The following DDX6 variants were observed in gnomAD, a reference collection of about 807,000 sequenced individuals.
The protein encoded by DDX6 is probable ATP-dependent RNA helicase DDX6.
Under a neutral mutation model 60.6 loss-of-function variants are expected in DDX6, and 7 were observed. That is an observed-to-expected ratio of 0.12 (90% CI 0.07 to 0.22). DDX6 has a LOEUF of 0.22. DDX6 is among the 10% of genes least tolerant of loss of function. The pLI is 1.00. For missense variants in DDX6, 270 were observed against 589.9 expected, an observed-to-expected ratio of 0.46 and a Z score of 5.62; for synonymous variants, 207 against 201.0, an observed-to-expected ratio of 1.03 and a Z score of -0.25.
At chr11:118,776,342 T>G (rs1042479886) in intron 4 of DDX6, among the ~76,000 whole-genome samples, 4 of 152,294 alleles carry the variant, frequency 2.6e-5, no homozygotes, top group Non-Finnish European at 5.9e-5. Context: ...GTCAGGAGTC[T>G]AAGACTTATA....
In DDX6 at chr11:118,751,794, G is replaced by T; in HGVS notation, c.*311C>A. Reference sequence around the variant, plus strand: ...GTTCATTAAGATTCTTCTCTTTTTAGGGTTTCTCCCCTTCTCTTCTTTCTT... The same window carrying T: ...GTTCATTAAGATTCTTCTCTTTTTATGGTTTCTCCCCTTCTCTTCTTTCTT... On this transcript the variant is annotated 3_prime_UTR_variant, in exon 14 of 14. Transcript: ENST00000534980. 2.7e-6 allele frequency: 1 copy of T among 366,016 alleles called. No individual in the cohort carries two copies. Among genetic ancestry groups the T allele is most frequent in the Non-Finnish European group, 5.3e-6 (1 of 188,114 alleles). The allele number at this position is 366,016 out of a possible 1,614,324, so 22.7% of individuals were successfully genotyped here.
chr11:118,770,876 A>G (rs868988503), intron 4 of DDX6, among the ~76,000 whole-genome samples: 7 of 145,462 alleles, frequency 4.8e-5, no homozygotes, highest in Non-Finnish European at 7.6e-5. Flanking sequence ...AGCAAGACTC[A>G]GTCTCACAAA....
chr11:118,748,565 C>CA lies in DDX6; in HGVS notation c.*3539dup, dbSNP rs1565554029. On this transcript the variant is annotated 3_prime_UTR_variant, in exon 14 of 14. Transcript: ENST00000534980. ...ATACCTAGAACATTGAAAAAAATAG[C>CA]AAATTAAAATAAATGGCTTAATTTC... The CA allele has an allele frequency of 6.6e-6, 1 of 151,886 alleles. No individual in the cohort carries two copies. The highest frequency in any genetic ancestry group is 2.4e-5 in the African/African-American group (1 of 41,358). The allele number at this position is 151,886 out of a possible 1,614,324, so 9.4% of individuals were successfully genotyped here.
In DDX6 at chr11:118,786,313, T is replaced by C; in HGVS notation, c.-62A>G. ...CTTTTGAAAGTCAGTAGAGAAACTGTAATAACAGTTTATTAGGCTCTCCAA... is the reference window on the plus strand; with the variant it reads ...CTTTTGAAAGTCAGTAGAGAAACTGCAATAACAGTTTATTAGGCTCTCCAA... On this transcript the variant is annotated 5_prime_UTR_variant, in exon 2 of 14. Coordinates refer to ENST00000534980, the MANE Select transcript of DDX6 (RefSeq NM_004397.6). 4.9e-6 allele frequency: 7 copies of C among 1,420,946 alleles called. No homozygotes were observed. The highest frequency in any genetic ancestry group is 1.3e-5 in the South Asian group (1 of 76,970). The allele number at this position is 1,420,946 out of a possible 1,614,324, so 88.0% of individuals were successfully genotyped here. A position where few individuals can be genotyped will look rare whatever the true frequency, so the allele number is the denominator to read the frequency against.
intron 7 of DDX6, among the ~76,000 whole-genome samples, chr11:118,761,712 G>C (rs193285984): frequency 9.1e-4 from 138 of 152,212 alleles, no homozygotes; most frequent in African/African-American, 3.2e-3. Context: ...GCATCTATAA[G>C]ACAAAAAGCT....
rs1369081137 is a variant in DDX6 at position 118,749,160 on chromosome 11, C to T, written c.*2945G>A. 6.6e-6 allele frequency: 1 copy of T among 151,766 alleles called. No individual in the cohort carries two copies. The highest frequency in any genetic ancestry group is 1.5e-5 in the Non-Finnish European group (1 of 67,962). 9.4% of individuals were successfully genotyped at this position (151,766 alleles called of 1,614,324 possible). On this transcript the variant is annotated 3_prime_UTR_variant, in exon 14 of 14. Transcript: ENST00000534980. ...GTAAGGTGTGTAACAGTCCATAGCC[C>T]ATTACACAACTGTACAACCAAAGGC...
chr11:118,787,056 C>T (rs1207406049), intron 1 of DDX6: 1 of 152,162 alleles, frequency 6.6e-6, no homozygotes, highest in Non-Finnish European at 1.5e-5. Flanking sequence ...ACTTTATGGG[C>T]TGGGTGCTGG....
rs1432296514 is a variant in DDX6 at position 118,748,704 on chromosome 11, A to G, written c.*3401T>C. 6.6e-6 allele frequency: 1 copy of G among 151,816 alleles called. No homozygotes were observed. Among genetic ancestry groups the G allele is most frequent in the Non-Finnish European group, 1.5e-5 (1 of 67,980 alleles). 9.4% of individuals were successfully genotyped at this position (151,816 alleles called of 1,614,324 possible). On this transcript the variant is annotated 3_prime_UTR_variant, in exon 14 of 14. Transcript: ENST00000534980. ...GTGTTTCTAAATCCTTAGTGCAGAC[A>G]CCCTCCCTTCTGGGGCAAAGTACCC...
In DDX6 at chr11:118,757,270, C is replaced by T. The variant is rs782386385; in HGVS notation, c.1011G>A (p.Ser337=). 6.4e-6 allele frequency: 10 copies of T among 1,568,698 alleles called. No homozygotes were observed. The highest frequency in any genetic ancestry group is 2.3e-5 in the East Asian group (1 of 43,064). ...GCTGAGAGGAGTTACAGAAAATGAT[C>T]GACTGGTTTATCTGAAGCTGAGCAC... ...TLFSRLQINQ[S]IIFCNSSQRV... Residue 337 remains serine, a synonymous_variant, in exon 10 of 14, where the codon TCG becomes TCA. Transcript: ENST00000534980.
At chr11:118,755,306 T>C (rs1472616382) in intron 12 of DDX6, 96 bp downstream of exon 12, 1 of 708,490 alleles carries the variant, frequency 1.4e-6, no homozygotes, top group Non-Finnish European at 2.5e-6. Context: ...ACTGTTCTCA[T>C]AGCTACTGTA....
In DDX6 at chr11:118,752,030, AGAGAG is replaced by A. The variant is rs767346468; in HGVS notation, c.*70_*74del. On this transcript the variant is annotated 3_prime_UTR_variant, in exon 14 of 14. Coordinates refer to ENST00000534980, the MANE Select transcript of DDX6 (RefSeq NM_004397.6). ...AAAATAAAAGATGAAAAACCCACAAAGAGAGGAGCATTCCCCCCAAAACGATGTGT... is the reference window on the plus strand; with the variant it reads ...AAAATAAAAGATGAAAAACCCACAAAGAGCATTCCCCCCAAAACGATGTGT... The A allele has an allele frequency of 9.0e-5, 27 of 300,926 alleles. No homozygotes were observed. The highest frequency in any genetic ancestry group is 1.3e-4 in the Non-Finnish European group (20 of 152,594). The allele number at this position is 300,926 out of a possible 1,614,324, so 18.6% of individuals were successfully genotyped here.
At chr11:118,752,378 A>G (rs949437866) in intron 13 of DDX6, among the ~76,000 whole-genome samples, 2 of 152,230 alleles carry the variant, frequency 1.3e-5, no homozygotes, top group African/African-American at 2.4e-5. Context: ...ATACTCTGCC[A>G]AAGTACTAGC....
At position 118,751,808 on chromosome 11, in the gene DDX6, CTCT is replaced by C. The variant is rs1860782031; in HGVS notation, c.*294_*296del. 1 of 391,496 alleles carries C rather than the reference CTCT, an allele frequency of 2.6e-6. No homozygotes were observed. The highest frequency in any genetic ancestry group is 1.9e-5 in the South Asian group (1 of 52,442). 24.3% of individuals were successfully genotyped at this position (391,496 alleles called of 1,614,324 possible). Reference sequence around the variant, plus strand: ...TTCTCTTTTTAGGGTTTCTCCCCTTCTCTTCTTTCTTTTCCTTCCTTGTCCCCT... The same window carrying C: ...TTCTCTTTTTAGGGTTTCTCCCCTTCTCTTTCTTTTCCTTCCTTGTCCCCT... On this transcript the variant is annotated 3_prime_UTR_variant, in exon 14 of 14. Coordinates refer to ENST00000534980, the MANE Select transcript of DDX6 (RefSeq NM_004397.6).
rs1862072669 is a variant in DDX6 at position 118,786,294 on chromosome 11, A to C, written c.-43T>G. 4.5e-6 allele frequency: 7 copies of C among 1,539,258 alleles called. No individual in the cohort carries two copies. Among genetic ancestry groups the C allele is most frequent in the Non-Finnish European group, 6.2e-6 (7 of 1,132,308 alleles). On this transcript the variant is annotated 5_prime_UTR_variant, in exon 2 of 14. Coordinates refer to ENST00000534980, the MANE Select transcript of DDX6 (RefSeq NM_004397.6). ...GGTCTTTCAAACTTCAAAACTTTTG[A>C]AAGTCAGTAGAGAAACTGTAATAAC...
rs782768280 is a variant in DDX6, at chr11:118,779,621, G to A, written c.369+11C>T. On this transcript the variant is annotated intron_variant, in intron 4 of 13. Coordinates refer to ENST00000534980, the MANE Select transcript of DDX6 (RefSeq NM_004397.6). ...ATAACCTTACATATGTGATAAAAAG[G>A]GTTAACATACCTGAATAGGAGATGG... The A allele has an allele frequency of 2.9e-5, 46 of 1,570,770 alleles. No homozygotes were observed. Among genetic ancestry groups the A allele is most frequent in the Non-Finnish European group, 4.0e-5 (46 of 1,146,514 alleles).
intron 2 of DDX6, among the ~76,000 whole-genome samples, chr11:118,785,403 T>C (rs1354098708): frequency 1.3e-5 from 2 of 151,702 alleles, no homozygotes; most frequent in Non-Finnish European, 2.9e-5. Flanking sequence ...CAGAGTCTCA[T>C]TATGTTGCCT....
chr11:118,777,407 T>G (rs960422956), intron 4 of DDX6, among the ~76,000 whole-genome samples: 1 of 152,302 alleles, frequency 6.6e-6, no homozygotes, highest in Middle Eastern at 3.4e-3. Flanking sequence ...TGTATGTGTG[T>G]GTGGATATGT....
At chr11:118,765,187 C>T (rs372712855) in intron 6 of DDX6, 22 bp downstream of exon 6, 6 of 1,611,180 alleles carry the variant, frequency 3.7e-6, no homozygotes, top group Non-Finnish European at 5.1e-6. Flanking sequence ...AGCTACACTA[C>T]CTTTTAGTAA....
At chr11:118,785,508 C>CTT in intron 2 of DDX6, among the ~76,000 whole-genome samples, 1 of 143,136 alleles carries the variant, frequency 7.0e-6, no homozygotes, top group East Asian at 2.0e-4. Context: ...AACCAGCCAA[C>CTT]TTTTTTTTTT....
Sources: allele counts gnomAD v4.1 joint callset (sites outside exome capture counted in the v4.1 genomes callset), GRCh38; gene constraint gnomAD v4.1.1; transcripts MANE v1.5; gene names NCBI Gene and HGNC (gene_info 2026-07-23, HGNC 2026-07-21).